Variants in KYAT3 observed in about 807,000 individuals in gnomAD.
The protein encoded by KYAT3 is kynurenine--oxoglutarate transaminase 3.
KYAT3 carries 50 observed loss-of-function variants against 59.0 expected under a neutral mutation model. The ratio of observed to expected loss-of-function variants is 0.85; its 90% CI spans 0.68 to 1.07. KYAT3 has a LOEUF of 1.07. KYAT3 is among the 50% of genes least tolerant of loss of function. The probability of loss-of-function intolerance (pLI) is 0.00; values close to 1 mark genes in which losing one functional copy is unlikely to be tolerated. For missense variants in KYAT3, 497 were observed against 533.3 expected, an observed-to-expected ratio of 0.93 and a Z score of 0.67; for synonymous variants, 148 against 177.0, an observed-to-expected ratio of 0.84 and a Z score of 1.30.
At position 88,981,996 on chromosome 1, in the gene KYAT3, C is replaced by T. The variant is rs1032220283; in HGVS notation, c.99+6256G>A. On this transcript the variant is annotated intron_variant, in intron 2 of 13. Transcript: ENST00000260508. ...TGGCCAAACTTTTTATTTAGTATTC[C>T]GTAGTTGTTTAGCACACACTTAAAT... 23 of 981,902 alleles carry T rather than the reference C, an allele frequency of 2.3e-5. No homozygotes were observed. In the African/African-American group the frequency reaches 3.5e-4, roughly 15 times the overall value. 60.8% of individuals were successfully genotyped at this position (981,902 alleles called of 1,614,324 possible). A position where few individuals can be genotyped will look rare whatever the true frequency, so the allele number is the denominator to read the frequency against.
intron 6 of KYAT3, among the ~76,000 whole-genome samples, 163 bp from the exon 7 acceptor site, chr1:88,961,669 C>A (rs541398626): frequency 1.4e-4 from 22 of 151,760 alleles, no homozygotes; most frequent in Admixed American, 1.4e-3. Flanking sequence ...AGAAAAAAAA[C>A]TAGAAAAAGA....
At chr1:88,931,983 G>A (rs1198549279), downstream of KYAT3, among the ~76,000 whole-genome samples, 1 of 141,316 alleles carries the variant, frequency 7.1e-6, no homozygotes, top group Admixed American at 7.4e-5. Context: ...TCTGTCTCTT[G>A]AATCACCCAG....
intron 11 of KYAT3, among the ~76,000 whole-genome samples, chr1:88,946,410 G>A (rs1316267277): frequency 1.3e-5 from 2 of 151,430 alleles, no homozygotes; most frequent in Admixed American, 6.6e-5. Flanking sequence ...CAATCCTCCC[G>A]CCTTGGCCTC....
Position 88,943,026 on chromosome 1 carries a change from A to C in KYAT3, c.1281T>G (p.Phe427Leu). 2 of 1,613,358 alleles carry C rather than the reference A, an allele frequency of 1.2e-6. No homozygotes were observed. Among genetic ancestry groups the C allele is most frequent in the East Asian group, 4.5e-5 (2 of 44,834 alleles). The change falls in exon 13 of 14, where the codon TTT becomes TTG. Residue 427 changes from phenylalanine (F) to leucine (L), a missense_variant. By Grantham distance (22) the Phe-to-Leu change is conservative. Around this residue, in one of 2 missense-constraint regions of KYAT3, gnomAD observed 28 missense variants for 54.2 expected, o/e 0.52. Transcript: ENST00000260508. The stretch of plus-strand genomic sequence containing the variant: ...TTACTTTAATGAAGCAAAAACGCAC[A>C]AACTTCTCAAACTGTGATTTAGTCT... ...NSETKSQFEK[F>L]VRFCFIKKDS...
intron 13 of KYAT3, among the ~76,000 whole-genome samples, chr1:88,939,836 T>C (rs558322719): frequency 1.3e-5 from 2 of 152,162 alleles, no homozygotes; most frequent in Non-Finnish European, 2.9e-5. Flanking sequence ...TGAACTCTGA[T>C]AGCTCCCATT....
rs1176707524 is a variant in KYAT3 at position 88,988,331 on chromosome 1, C to T, written c.20G>A (p.Ser7Asn). The change falls in exon 2 of 14, where the codon AGC becomes AAC. Residue 7 changes from serine to asparagine, a missense_variant. Ser to Asn is a conservative substitution (Grantham distance 46, BLOSUM62 1). Coordinates refer to ENST00000260508, the MANE Select transcript of KYAT3 (RefSeq NM_001008661.3). MFLAQR[S>N]LCSLSGRAKF... ...TGCTCTACCGCTAAGAGAGCAGAGG[C>T]TCCTCTGGGCCAAAAACATGCTATT... The T allele has an allele frequency of 1.9e-6, 3 of 1,612,216 alleles. 1 individual carries two copies. The Admixed American group carries it at 5.0e-5, about 27-fold the overall frequency.
the KYAT3 span, among the ~76,000 whole-genome samples, chr1:88,926,491 C>T: frequency 6.6e-6 from 1 of 152,134 alleles, no homozygotes; most frequent in African/African-American, 2.4e-5. Flanking sequence ...TTTTTCTTTA[C>T]TTTTTGTATA....
rs377683877 is a variant in KYAT3, at chr1:88,949,240, C to T, written c.992G>A (p.Arg331His). ...LAQAFWIDIK[R>H]MDDPECYFNS... ...AAAGTAACATTCTGGGTCATCCATG[C>T]GCTTGATGTCAATCCAGAAAGCTTG... Residue 331 changes from arginine to histidine, a missense_variant, in exon 11 of 14, where the codon CGC becomes CAC. This residue lies in a region of KYAT3 where 469 missense variants were observed against 479.1 expected (regional missense o/e 0.98). Transcript: ENST00000260508. The T allele has an allele frequency of 1.8e-5, 28 of 1,579,332 alleles. No individual in the cohort carries two copies. The highest frequency in any genetic ancestry group is 1.1e-4 in the South Asian group (9 of 84,220).
intron 2 of KYAT3, among the ~76,000 whole-genome samples, chr1:88,975,894 G>C (rs1450651620): frequency 6.6e-6 from 1 of 152,128 alleles, no homozygotes; most frequent in Non-Finnish European, 1.5e-5. Context: ...AATGAGCTAA[G>C]CGTGGTGGCA....
intron 8 of KYAT3, among the ~76,000 whole-genome samples, chr1:88,958,093 G>A (rs12063606): frequency 0.032 from 4,943 of 152,106 alleles, 240 homozygotes; most frequent in African/African-American, 0.11. Flanking sequence ...TGATTCTGAC[G>A]ATCAGGCCTA....
In KYAT3 at chr1:88,961,363, GA is replaced by G. The variant is rs775520140; in HGVS notation, c.666+17del. On this transcript the variant is annotated intron_variant, in intron 7 of 13. Coordinates refer to ENST00000260508, the MANE Select transcript of KYAT3 (RefSeq NM_001008661.3). ...ATGATAGGTCAGAAGACTGTATAAG[GA>G]GATGAGACTTGCTTACCTTGCCAAG... 19 of 1,613,770 alleles carry G rather than the reference GA, an allele frequency of 1.2e-5. No individual in the cohort carries two copies. The South Asian group carries it at 2.0e-4, about 17-fold the overall frequency.
intron 8 of KYAT3, among the ~76,000 whole-genome samples, chr1:88,955,794 A>T (rs959119797): frequency 2.0e-5 from 3 of 151,920 alleles, no homozygotes; most frequent in Non-Finnish European, 4.4e-5. Flanking sequence ...TGAATCAGAA[A>T]CTCTGGGAGT....
At chr1:88,991,332 A>G (rs1677782278) in intron 1 of KYAT3, among the ~76,000 whole-genome samples, 1 of 152,230 alleles carries the variant, frequency 6.6e-6, no homozygotes, top group South Asian at 2.1e-4. Context: ...AGGTAGTAAG[A>G]GATTTAATTT....
chr1:88,981,857 T>C (rs1677104018), intron 2 of KYAT3: 1 of 627,014 alleles, frequency 1.6e-6, no homozygotes, highest in Non-Finnish European at 2.0e-6. Flanking sequence ...GATAAATTCA[T>C]TGCTTATCTA....
At chr1:88,981,100 C>T (rs1351678899) in intron 2 of KYAT3, 1 of 152,152 alleles carries the variant, frequency 6.6e-6, no homozygotes, top group Non-Finnish European at 1.5e-5. Context: ...GTTTCCAAGA[C>T]GGGGAGGTAA....
intron 1 of KYAT3, among the ~76,000 whole-genome samples, chr1:88,992,017 C>T (rs553061356): frequency 6.9e-6 from 1 of 145,664 alleles, no homozygotes; most frequent in South Asian, 2.1e-4. Context: ...CTTGCTCTGT[C>T]GCCCAGGCTG....
chr1:88,934,410 C>T (rs1049722945), downstream of KYAT3, among the ~76,000 whole-genome samples: 9 of 152,132 alleles, frequency 5.9e-5, no homozygotes, highest in Admixed American at 3.9e-4. Context: ...GCTGAGATTA[C>T]GGCACTGCCT....
At chr1:88,964,626 G>C (rs1406863406) in intron 5 of KYAT3, 4 of 521,208 alleles carry the variant, frequency 7.7e-6, no homozygotes, top group Non-Finnish European at 1.4e-5. Context: ...TCATATCTTT[G>C]TCTGGTTGTA....
At chr1:88,937,634 A>G (rs915731432) in intron 13 of KYAT3, among the ~76,000 whole-genome samples, 1 of 152,226 alleles carries the variant, frequency 6.6e-6, no homozygotes, top group African/African-American at 2.4e-5. Context: ...AAGAAAAAGT[A>G]TAACTTTATA....
Sources: gnomAD v4.1 joint callset for allele counts (sites outside exome capture counted in the v4.1 genomes callset) on GRCh38, gnomAD v4.1.1 for gene constraint, gnomAD v4.1.1 regional missense constraint, MANE v1.5 for transcripts, NCBI Gene and HGNC (gene_info 2026-07-23, HGNC 2026-07-21) for gene names.